Variants in CEMIP2 observed in about 807,000 individuals in gnomAD.
CEMIP2 encodes the protein cell surface hyaluronidase CEMIP2.
In CEMIP2, 79 loss-of-function variants were observed where a neutral mutation model predicts 146.9. The ratio of observed to expected loss-of-function variants is 0.54; its 90% CI spans 0.45 to 0.65. The LOEUF (loss-of-function observed/expected upper bound fraction) is 0.65. Ranked by LOEUF, CEMIP2 falls within the 30% of genes least tolerant of loss-of-function variation. CEMIP2 has a pLI of 0.00. For synonymous variants in CEMIP2, 601 were observed against 606.3 expected (o/e 0.99, Z 0.13); for missense variants, 1,596 against 1,696.2 (o/e 0.94, Z 1.04).
intron 16 of CEMIP2, among the ~76,000 whole-genome samples, chr9:71,710,070 G>A (rs1195207851): frequency 1.3e-5 from 2 of 152,164 alleles, no homozygotes; most frequent in African/African-American, 4.8e-5. Flanking sequence ...GTATGGCTGA[G>A]TTATTGATAA....
At chr9:71,760,380 A>T (rs1260816711) in intron 1 of CEMIP2, among the ~76,000 whole-genome samples, 3 of 152,236 alleles carry the variant, frequency 2.0e-5, no homozygotes, top group Non-Finnish European at 2.9e-5. Flanking sequence ...ATAATGTTTA[A>T]TGCCAAAAGT....
chr9:71,749,918 C>T (rs956472937), intron 2 of CEMIP2, 125 bp downstream of exon 2: 24 of 720,224 alleles, frequency 3.3e-5, no homozygotes, highest in Non-Finnish European at 4.2e-5. Context: ...AGTGACACCT[C>T]GTATTACCTA....
At chr9:71,728,257 A>ATATATATAAAT (rs1823468826) in intron 10 of CEMIP2, among the ~76,000 whole-genome samples, 1 of 19,616 alleles carries the variant, frequency 5.1e-5, no homozygotes, top group Non-Finnish European at 1.3e-4. Flanking sequence ...ATATGTATAT[A>ATATATATAAAT]CACGTATATA....
At chr9:71,732,275 C>A in intron 7 of CEMIP2, 76 bp downstream of exon 7, 2 of 1,431,668 alleles carry the variant, frequency 1.4e-6, no homozygotes, top group South Asian at 1.4e-5. Flanking sequence ...ATATCTTGTT[C>A]CAAAACTTGA....
rs1178346934 is a variant in CEMIP2 at position 71,700,965 on chromosome 9, G to C, written c.3195-141C>G. On this transcript the variant is annotated intron_variant, in intron 18 of 23. Coordinates refer to ENST00000377044, the MANE Select transcript of CEMIP2 (RefSeq NM_013390.3). ...GTTTTCTCCTCCTTAAATTTCTTCT[G>C]TGTGTTGGGCCACTGACAGTGGAAG... is the stretch of plus-strand genomic sequence containing the variant. The C allele has an allele frequency of 9.6e-6, 7 of 730,022 alleles. No individual in the cohort carries two copies. The East Asian group carries it at 2.0e-4, about 21-fold the overall frequency. 45.2% of individuals were successfully genotyped at this position (730,022 alleles called of 1,614,324 possible).
intron 20 of CEMIP2, among the ~76,000 whole-genome samples, chr9:71,697,592 A>G (rs985815610): frequency 1.3e-5 from 2 of 152,230 alleles, no homozygotes; most frequent in African/African-American, 4.8e-5. Context: ...TATTAGCTGT[A>G]TTTTTGAAAA....
chr9:71,687,091 T>C (rs919854545), intron 22 of CEMIP2: 6 of 152,224 alleles, frequency 3.9e-5, no homozygotes, highest in Non-Finnish European at 7.3e-5. Context: ...TGCTGGCCTA[T>C]GGCTTCACGG....
chr9:71,740,666 T>C (rs1046728072), intron 4 of CEMIP2, among the ~76,000 whole-genome samples: 14 of 152,322 alleles, frequency 9.2e-5, no homozygotes, highest in African/African-American at 3.4e-4. Flanking sequence ...AATATATCAA[T>C]GCACAGACCC....
At chr9:71,708,591 T>G (rs1822820841) in intron 17 of CEMIP2, among the ~76,000 whole-genome samples, 1 of 152,212 alleles carries the variant, frequency 6.6e-6, no homozygotes, top group Non-Finnish European at 1.5e-5. Flanking sequence ...ATCTGTGCTC[T>G]TAACCATATA....
rs1564012326 is a variant in CEMIP2 at position 71,728,265 on chromosome 9, A to ATATATATATATATACGTATATACACG, written c.2049+1579_2049+1580insCGTGTATATACGTATATATATATATA. On this transcript the variant is annotated intron_variant, in intron 10 of 23. Transcript: ENST00000377044. Reference sequence around the variant, plus strand: ...TATATATATATGTATATACACGTATATATATATATATATATGTATATATAT... The same window carrying ATATATATATATATACGTATATACACG: ...TATATATATATGTATATACACGTATATATATATATATATACGTATATACACGTATATATATATATATGTATATATAT... Among the ~76,000 whole-genome samples, 29 of 9,212 alleles carry ATATATATATATATACGTATATACACG rather than the reference A, an allele frequency of 3.1e-3. 2 individuals are homozygous for ATATATATATATATACGTATATACACG. Among genetic ancestry groups the ATATATATATATATACGTATATACACG allele is most frequent in the African/African-American group, 4.8e-3 (26 of 5,426 alleles). The allele number at this position is 9,212 out of a possible 152,430, so 6.0% of individuals were successfully genotyped here.
intron 19 of CEMIP2, chr9:71,699,452 TA>T (rs5898223): frequency 0.032 from 11,909 of 371,414 alleles, no homozygotes; most frequent in South Asian, 0.047. Flanking sequence ...CACCGTCTCT[TA>T]AAAAAAAAAA....
At chr9:71,737,181 A>G (rs554230949) in intron 5 of CEMIP2, among the ~76,000 whole-genome samples, 17 of 149,214 alleles carry the variant, frequency 1.1e-4, no homozygotes, top group Non-Finnish European at 1.8e-4. Flanking sequence ...AAAGAAAGAA[A>G]GAAAGAAAAG....
At chr9:71,744,602 A>G (rs1385499482) in intron 4 of CEMIP2, among the ~76,000 whole-genome samples, 1 of 152,214 alleles carries the variant, frequency 6.6e-6, no homozygotes, top group African/African-American at 2.4e-5. Context: ...GCCTTTTAAG[A>G]CAGGTTTAGA....
chr9:71,721,631 T>C (rs117888802), intron 12 of CEMIP2, among the ~76,000 whole-genome samples: 6 of 152,352 alleles, frequency 3.9e-5, no homozygotes, highest in Non-Finnish European at 8.8e-5. Flanking sequence ...CTTGATTCTT[T>C]GAAGAACAAT....
intron 22 of CEMIP2, chr9:71,687,254 A>C (rs1822090832): frequency 6.6e-6 from 1 of 152,214 alleles, no homozygotes; most frequent in African/African-American, 2.4e-5. Context: ...AAATGTGTCA[A>C]ATTTATATTT....
chr9:71,769,103 G>GC (rs996170582), upstream of CEMIP2, among the ~76,000 whole-genome samples: 6 of 152,188 alleles, frequency 3.9e-5, no homozygotes, highest in South Asian at 2.1e-4. Context: ...CCCAGCCAGC[G>GC]CCCCCCGCTG....
At chr9:71,744,691 A>C (rs1385675865) in intron 4 of CEMIP2, among the ~76,000 whole-genome samples, 1 of 152,230 alleles carries the variant, frequency 6.6e-6, no homozygotes, top group Non-Finnish European at 1.5e-5. Flanking sequence ...GATCTTCAGA[A>C]GGTAACGAAA....
chr9:71,743,520 C>G (rs1823985311), intron 4 of CEMIP2, among the ~76,000 whole-genome samples: 1 of 152,236 alleles, frequency 6.6e-6, no homozygotes. Context: ...GTCTACACAG[C>G]ACGCTCCCGA....
Position 71,704,789 on chromosome 9 carries a change from T to C in CEMIP2, c.3000A>G (p.Thr1000=), listed in dbSNP as rs1419694574. ...SGTYAQVYVQ[T]WSTQNLSMTI... is the part of the protein sequence containing the mutation. Reference sequence around the variant, plus strand: ...TCATAGAAAGATTCTGAGTGCTCCATGTCTGTACATAGACCTTGAAAAAAT... The same window carrying C: ...TCATAGAAAGATTCTGAGTGCTCCACGTCTGTACATAGACCTTGAAAAAAT... Residue 1000 remains threonine, a synonymous_variant, in exon 18 of 24, where the codon ACA becomes ACG. Transcript: ENST00000377044. The C allele has an allele frequency of 1.2e-6, 2 of 1,614,012 alleles. No homozygotes were observed. Among genetic ancestry groups the C allele is most frequent in the Non-Finnish European group, 1.7e-6 (2 of 1,180,004 alleles).
Sources: gnomAD v4.1 joint callset for allele counts (sites outside exome capture counted in the v4.1 genomes callset) on GRCh38, gnomAD v4.1.1 for gene constraint, MANE v1.5 for transcripts, NCBI Gene and HGNC (gene_info 2026-07-23, HGNC 2026-07-21) for gene names.